Variants in SEMA3D observed in about 807,000 individuals in gnomAD.
SEMA3D encodes the protein semaphorin-3D.
Under a neutral mutation model 100.1 loss-of-function variants are expected in SEMA3D, and 84 were observed. The observed-to-expected ratio is 0.84, with a 90% CI of 0.70 to 1.01. The LOEUF is 1.01. Ranked by LOEUF, SEMA3D falls within the 50% of genes least tolerant of loss-of-function variation. The pLI, the probability that SEMA3D is intolerant of heterozygous loss-of-function variation, is 0.00. For missense variants in SEMA3D, 875 were observed against 934.1 expected (o/e 0.94, Z 0.82); for synonymous variants, 312 against 320.7 (o/e 0.97, Z 0.29).
At chr7:85,223,401 T>C in the SEMA3D span, among the ~76,000 whole-genome samples, 12 of 152,144 alleles carry the variant, frequency 7.9e-5, no homozygotes, top group African/African-American at 1.7e-4. Flanking sequence ...GGAAAATAAG[T>C]CATTACATGA....
Position 85,121,942 on chromosome 7 carries a change from G to GA in SEMA3D, c.-40-12_-40-11insT. 1.7e-6 allele frequency: 2 copies of GA among 1,203,952 alleles called. No homozygotes were observed. Among genetic ancestry groups the GA allele is most frequent in the East Asian group, 2.8e-5 (1 of 36,274 alleles). 74.6% of individuals were successfully genotyped at this position (1,203,952 alleles called of 1,614,324 possible). A position where few individuals can be genotyped will look rare whatever the true frequency, so the allele number is the denominator to read the frequency against. On this transcript the variant is annotated splice_polypyrimidine_tract_variant and intron_variant, in intron 2 of 18. Coordinates refer to ENST00000284136, the MANE Select transcript of SEMA3D (RefSeq NM_001384900.1). ...TGGTGTTAATTTAATCTAAAAAAGA[G>GA]TAAAAAAAAAAAAACTATTAAGGTA...
chr7:85,104,014 C>T (rs1185025679), intron 3 of SEMA3D, among the ~76,000 whole-genome samples: 2 of 152,000 alleles, frequency 1.3e-5, no homozygotes, highest in South Asian at 2.1e-4. Flanking sequence ...TCTTTATTAA[C>T]ACCTCTTGAT....
intron 9 of SEMA3D, among the ~76,000 whole-genome samples, chr7:85,054,005 T>C (rs1791240087): frequency 6.6e-6 from 1 of 151,874 alleles, no homozygotes; most frequent in Admixed American, 6.6e-5. Context: ...CTAGGTGTTT[T>C]TTCATAATAT....
the SEMA3D span, among the ~76,000 whole-genome samples, chr7:85,203,459 A>G: frequency 6.6e-6 from 1 of 152,192 alleles, no homozygotes; most frequent in African/African-American, 2.4e-5. Context: ...AACATTGTGC[A>G]GAATAGAGTA....
intron 2 of SEMA3D, among the ~76,000 whole-genome samples, chr7:85,152,971 A>G (rs1272948277): frequency 2.0e-5 from 3 of 152,186 alleles, no homozygotes; most frequent in Non-Finnish European, 4.4e-5. Flanking sequence ...TAATTCTGAG[A>G]GAGGTAAATA....
chr7:85,157,753 G>A (rs933536081), intron 1 of SEMA3D: 5 of 413,126 alleles, frequency 1.2e-5, no homozygotes, highest in South Asian at 1.0e-4. Flanking sequence ...CAGTCTTCAC[G>A]TTTTCACTTC....
chr7:85,176,407 T>A (rs1181599698), intron 1 of SEMA3D, among the ~76,000 whole-genome samples: 1 of 152,064 alleles, frequency 6.6e-6, no homozygotes, highest in Non-Finnish European at 1.5e-5. Flanking sequence ...TTCCATGACT[T>A]TTTCCAAACA....
chr7:85,245,939 T>G, the SEMA3D span, among the ~76,000 whole-genome samples: 1 of 152,050 alleles, frequency 6.6e-6, no homozygotes, highest in Non-Finnish European at 1.5e-5. Flanking sequence ...CAAGTAAATC[T>G]GCTGGAAAAT....
At chr7:85,159,292 T>C (rs1562839637) in intron 1 of SEMA3D, among the ~76,000 whole-genome samples, 1 of 152,138 alleles carries the variant, frequency 6.6e-6, no homozygotes, top group Non-Finnish European at 1.5e-5. Context: ...TGATAAGGAA[T>C]CTGGATTAAT....
At chr7:85,244,297 G>A in the SEMA3D span, among the ~76,000 whole-genome samples, 2 of 152,214 alleles carry the variant, frequency 1.3e-5, no homozygotes, top group South Asian at 2.1e-4. Context: ...GTGAGGACTC[G>A]CTCACTCCTG....
chr7:85,073,421 C>CT lies in SEMA3D; in HGVS notation c.376-341dup, dbSNP rs767372264. Among the ~76,000 whole-genome samples, 364 of 145,316 alleles carry CT rather than the reference C, an allele frequency of 2.5e-3. 3 individuals carry two copies. The highest frequency in any genetic ancestry group is 0.011 in the Middle Eastern group (3 of 280). Reference sequence around the variant, plus strand: ...TAGACGTCCATATTTAAAATTTTCTCTTTTTTTTTTTAGAGATGACACCTC... The same window carrying CT: ...TAGACGTCCATATTTAAAATTTTCTCTTTTTTTTTTTTAGAGATGACACCTC... On this transcript the variant is annotated intron_variant, in intron 5 of 18. Transcript: ENST00000284136.
intron 2 of SEMA3D, chr7:85,151,830 T>C: frequency 1.5e-6 from 1 of 685,964 alleles, no homozygotes; most frequent in Non-Finnish European, 1.8e-6. Flanking sequence ...TTTTAGACTG[T>C]CTGTAAAAAA....
At chr7:85,066,913 C>CAGAGAGAGAGAGAGAGAG (rs201123647) in intron 7 of SEMA3D, among the ~76,000 whole-genome samples, 5 of 127,812 alleles carry the variant, frequency 3.9e-5, no homozygotes, top group Admixed American at 1.5e-4. Flanking sequence ...CACACACACA[C>CAGAGAGAGAGAGAGAGAG]AGAGAGAGAG....
chr7:85,101,971 A>C (rs1378010949), intron 3 of SEMA3D, among the ~76,000 whole-genome samples: 1 of 152,010 alleles, frequency 6.6e-6, no homozygotes. Context: ...TTAAATCCAC[A>C]AATATTTATA....
chr7:85,058,747 CAAAAAAA>C (rs67267318), intron 8 of SEMA3D, among the ~76,000 whole-genome samples: 4 of 64,272 alleles, frequency 6.2e-5, no homozygotes, highest in East Asian at 5.0e-4. Context: ...GACTCCACTA[CAAAAAAA>C]AAAAAAAAAA....
intron 11 of SEMA3D, among the ~76,000 whole-genome samples, chr7:85,040,383 A>G (rs143174905): frequency 0.01 from 1,533 of 152,244 alleles, 29 homozygotes; most frequent in African/African-American, 0.035. Context: ...CTGAAGCATT[A>G]TATGCAACAG....
At chr7:85,195,724 T>C in the SEMA3D span, among the ~76,000 whole-genome samples, 1 of 152,220 alleles carries the variant, frequency 6.6e-6, no homozygotes, top group Non-Finnish European at 1.5e-5. Flanking sequence ...TCACCTATTG[T>C]CCTTCTTAAC....
In SEMA3D at chr7:85,022,411, T is replaced by C; in HGVS notation, c.1394A>G (p.Asp465Gly). 1.2e-6 allele frequency: 2 copies of C among 1,611,460 alleles called. No homozygotes were observed. The highest frequency in any genetic ancestry group is 8.5e-7 in the Non-Finnish European group (1 of 1,178,024). ...CTTACCTGTTCCAAGAAACATTACA[T>C]CGTACTGGCCATCTTCTGCAATGAC... ...DHVIAEDGQY[D>G]VMFLGTDIGT... Residue 465 changes from aspartate to glycine, a missense_variant, in exon 13 of 19, where the codon GAT (aspartate) becomes GGT (glycine). Transcript: ENST00000284136.
intron 3 of SEMA3D, among the ~76,000 whole-genome samples, chr7:85,102,035 G>A (rs960206168): frequency 3.9e-5 from 6 of 151,972 alleles, no homozygotes; most frequent in African/African-American, 7.2e-5. Context: ...TGAGATTAGT[G>A]AGCCTTGTCT....
Sources: gnomAD v4.1 joint callset for allele counts (sites outside exome capture counted in the v4.1 genomes callset) on GRCh38, gnomAD v4.1.1 for gene constraint, MANE v1.5 for transcripts, NCBI Gene and HGNC (gene_info 2026-07-23, HGNC 2026-07-21) for gene names.